The following IL1RAPL1 variants were observed in gnomAD, a reference collection of about 807,000 sequenced individuals.
IL1RAPL1 encodes interleukin-1 receptor accessory protein-like 1.
IL1RAPL1 carries 3 observed loss-of-function variants against 48.4 expected under a neutral mutation model. The observed-to-expected ratio is 0.06, with a 90% CI of 0.03 to 0.16. IL1RAPL1 has a LOEUF of 0.16. IL1RAPL1 is among the 10% of genes least tolerant of loss of function. The pLI is 1.00. For missense variants in IL1RAPL1, 349 were observed against 530.6 expected, an observed-to-expected ratio of 0.66 and a Z score of 3.36; for synonymous variants, 185 against 187.7, an observed-to-expected ratio of 0.99 and a Z score of 0.12.
intron 3 of IL1RAPL1, among the ~76,000 whole-genome samples, chrX:29,301,715 A>T (rs1410209768): frequency 9.0e-6 from 1 of 111,670 alleles, no homozygotes; most frequent in Non-Finnish European, 1.9e-5. Context: ...ATTGGCCTGA[A>T]GATGCCACAG....
chrX:29,173,094 C>T (rs1286206318), intron 2 of IL1RAPL1, among the ~76,000 whole-genome samples: 3 of 110,939 alleles, frequency 2.7e-5, no homozygotes, highest in Non-Finnish European at 3.8e-5. Context: ...TAATCCCCTG[C>T]GTAATTATTT....
chrX:28,683,922 A>C (rs1295138888), intron 1 of IL1RAPL1, among the ~76,000 whole-genome samples: 1 of 111,693 alleles, frequency 9.0e-6, no homozygotes, highest in Non-Finnish European at 1.9e-5. Flanking sequence ...GCCCACCCAA[A>C]GACCACAGGA....
At chrX:29,918,573 A>G (rs1932822540) in intron 7 of IL1RAPL1, among the ~76,000 whole-genome samples, 1 of 109,970 alleles carries the variant, frequency 9.1e-6, no homozygotes, top group African/African-American at 3.3e-5. Context: ...AGCAAACACA[A>G]TCTCTGTCAT....
At chrX:29,613,234 A>C (rs891027609) in intron 5 of IL1RAPL1, among the ~76,000 whole-genome samples, 8 of 112,608 alleles carry the variant, frequency 7.1e-5, no homozygotes, top group Non-Finnish European at 1.5e-4. Context: ...TATTTACAAA[A>C]TATTGTTATT....
chrX:29,119,312 A>G (rs1928736098), intron 2 of IL1RAPL1, among the ~76,000 whole-genome samples: 1 of 111,161 alleles, frequency 9.0e-6, no homozygotes, highest in Non-Finnish European at 1.9e-5. Flanking sequence ...TTACTTATGG[A>G]CCCAAATTCC....
chrX:29,726,805 A>T (rs961932794), intron 6 of IL1RAPL1, among the ~76,000 whole-genome samples: 2 of 111,652 alleles, frequency 1.8e-5, no homozygotes, highest in Admixed American at 1.9e-4. Context: ...ACAGAGTGAG[A>T]TCTGATCTCT....
At chrX:28,678,146 G>A (rs1007418071) in intron 1 of IL1RAPL1, among the ~76,000 whole-genome samples, 4 of 111,650 alleles carry the variant, frequency 3.6e-5, no homozygotes, top group East Asian at 2.8e-4. Flanking sequence ...TTTTTGGGCC[G>A]GATGAAGGAG....
Position 29,892,086 on chromosome X carries a change from T to C in IL1RAPL1, c.779-25378T>C, listed in dbSNP as rs757686808. Among the ~76,000 whole-genome samples, 6 of 112,234 alleles carry C rather than the reference T, an allele frequency of 5.3e-5. No individual in the cohort carries two copies. In the South Asian group the frequency reaches 2.2e-3, roughly 41 times the overall value. On this transcript the variant is annotated intron_variant, in intron 6 of 10. Transcript: ENST00000378993. ...ATTGTGGTTTTGATTACATATCACG[T>C]TTTCCTTTCCCGCTCAAATGAAGTT...
intron 1 of IL1RAPL1, among the ~76,000 whole-genome samples, chrX:28,670,763 T>G (rs1054471883): frequency 8.9e-6 from 1 of 112,232 alleles, no homozygotes; most frequent in African/African-American, 3.2e-5. Flanking sequence ...AAATTCGAAT[T>G]ATTCTAATGA....
intron 6 of IL1RAPL1, among the ~76,000 whole-genome samples, chrX:29,811,996 G>A (rs1055143408): frequency 2.7e-5 from 3 of 111,708 alleles, no homozygotes; most frequent in African/African-American, 9.8e-5. Flanking sequence ...CATCTACACA[G>A]TTATAAATGA....
At chrX:29,023,904 T>A (rs910386952) in intron 2 of IL1RAPL1, among the ~76,000 whole-genome samples, 3 of 111,953 alleles carry the variant, frequency 2.7e-5, no homozygotes, top group Admixed American at 9.5e-5. Flanking sequence ...ACCTTGTTTA[T>A]CTAGCATAGT....
intron 5 of IL1RAPL1, among the ~76,000 whole-genome samples, chrX:29,483,202 AT>A (rs1408472601): frequency 8.9e-6 from 1 of 112,152 alleles, no homozygotes; most frequent in Non-Finnish European, 1.9e-5. Context: ...CCACTGACAT[AT>A]TTTGGAAGCC....
intron 6 of IL1RAPL1, among the ~76,000 whole-genome samples, chrX:29,751,748 T>C (rs1248096408): frequency 1.8e-5 from 2 of 108,487 alleles, no homozygotes; most frequent in African/African-American, 6.7e-5. Flanking sequence ...CTGGGTAACA[T>C]AGTGAGACCC....
intron 2 of IL1RAPL1, among the ~76,000 whole-genome samples, chrX:28,950,599 A>G (rs1305046542): frequency 4.8e-5 from 5 of 104,124 alleles, no homozygotes; most frequent in African/African-American, 1.4e-4. Context: ...ATTTGTTTGT[A>G]TCCTCTTTTA....
chrX:29,785,683 G>A (rs745993700), intron 6 of IL1RAPL1, among the ~76,000 whole-genome samples: 5 of 111,821 alleles, frequency 4.5e-5, no homozygotes, highest in Non-Finnish European at 5.6e-5. Flanking sequence ...ATAGGTGAAT[G>A]GATAGTGGTC....
At chrX:29,475,472 A>G (rs1415393336) in intron 5 of IL1RAPL1, among the ~76,000 whole-genome samples, 1 of 112,138 alleles carries the variant, frequency 8.9e-6, no homozygotes, top group Non-Finnish European at 1.9e-5. Context: ...TAGGTTTACC[A>G]TAGCGTTCTC....
intron 3 of IL1RAPL1, among the ~76,000 whole-genome samples, chrX:29,338,677 C>G (rs1933030706): frequency 9.0e-6 from 1 of 111,093 alleles, no homozygotes; most frequent in Admixed American, 9.6e-5. Context: ...TTGTTTCTCT[C>G]TCTCTGTGTC....
In IL1RAPL1 at chrX:29,368,258, TA is replaced by T. The variant is rs1286615111; in HGVS notation, c.363-27999del. ...TATAGGTTATATGCAAAGACTGTGCTATTTTTTTATATATTTTATGTATGTA... is the reference window on the plus strand; with the variant it reads ...TATAGGTTATATGCAAAGACTGTGCTTTTTTTTATATATTTTATGTATGTA... On this transcript the variant is annotated intron_variant, in intron 3 of 10. Transcript: ENST00000378993. Among the ~76,000 whole-genome samples the T allele has an allele frequency of 2.2e-4, 25 of 112,755 alleles. 1 individual carries two copies. In the East Asian group the frequency reaches 2.8e-3, roughly 13 times the overall value.
intron 2 of IL1RAPL1, among the ~76,000 whole-genome samples, chrX:29,046,839 T>C (rs1262431160): frequency 8.9e-6 from 1 of 112,093 alleles, no homozygotes; most frequent in East Asian, 2.8e-4. Context: ...ATTCATCAGC[T>C]CAATAGGCTT....
Sources: allele counts gnomAD v4.1 joint callset (sites outside exome capture counted in the v4.1 genomes callset), GRCh38; gene constraint gnomAD v4.1.1; transcripts MANE v1.5; gene names NCBI Gene and HGNC (gene_info 2026-07-23, HGNC 2026-07-21).